The following KCNK17 variants were observed in gnomAD, a reference collection of about 807,000 sequenced individuals.
KCNK17 encodes the protein potassium two pore domain channel subfamily K member 17, also known as potassium channel subfamily K member 17.
A neutral mutation model predicts 24.6 loss-of-function variants in KCNK17; 27 were observed. That is an observed-to-expected ratio of 1.10 (90% CI 0.81 to 1.51). The LOEUF (loss-of-function observed/expected upper bound fraction) is 1.51. Among genes scored for constraint, KCNK17 ranks in the 40% most tolerant of loss-of-function variants. KCNK17 has a pLI of 0.00. For synonymous variants in KCNK17, 181 were observed against 189.8 expected, an observed-to-expected ratio of 0.95 and a Z score of 0.38; for missense variants, 450 against 436.6, an observed-to-expected ratio of 1.03 and a Z score of -0.27.
At chr6:39,311,072 GCACACACACACACACACACACA>G (rs59086835) in intron 1 of KCNK17, 65 bp from the exon 2 acceptor site, 423 of 518,644 alleles carry the variant, frequency 8.2e-4, no homozygotes, top group Middle Eastern at 4.9e-3. Flanking sequence ...ACCCCAAGAT[GCACACACACACACACACACACA>G]CACACACACA....
In KCNK17 at chr6:39,299,029, C is replaced by T. The variant is rs76079153; in HGVS notation, c.*398G>A. On this transcript the variant is annotated 3_prime_UTR_variant, in exon 5 of 5. Coordinates refer to ENST00000373231, the MANE Select transcript of KCNK17 (RefSeq NM_031460.4). ...TATTTTACATAAGATGTTTATTTCT[C>T]TCTCACATAAAGGAGGTCGGGTGAT... is the stretch of plus-strand genomic sequence containing the variant. 320 of 185,366 alleles carry T rather than the reference C, an allele frequency of 1.7e-3. 1 individual carries two copies. The highest frequency in any genetic ancestry group is 7.3e-3 in the African/African-American group (312 of 42,766). The allele number at this position is 185,366 out of a possible 1,614,324, so 11.5% of individuals were successfully genotyped here. A position where few individuals can be genotyped will look rare whatever the true frequency, so the allele number is the denominator to read the frequency against.
intron 1 of KCNK17, among the ~76,000 whole-genome samples, chr6:39,312,583 C>T (rs991229105): frequency 2.0e-5 from 3 of 152,132 alleles, no homozygotes; most frequent in East Asian, 3.8e-4. Context: ...AAAAACAGTA[C>T]CCACCTGTGA....
intron 1 of KCNK17, among the ~76,000 whole-genome samples, chr6:39,313,825 T>C (rs970074619): frequency 2.6e-5 from 4 of 151,998 alleles, no homozygotes; most frequent in Non-Finnish European, 4.4e-5. Context: ...GCATGCCCTC[T>C]CGCCCCCAAG....
At position 39,314,288 on chromosome 6, in the gene KCNK17, C is replaced by T. The variant is rs778472867; in HGVS notation, c.33G>A (p.Glu11=). The T allele has an allele frequency of 6.8e-7, 1 of 1,473,292 alleles. No homozygotes were observed. The allele number at this position is 1,473,292 out of a possible 1,614,324, so 91.3% of individuals were successfully genotyped here. A position where few individuals can be genotyped will look rare whatever the true frequency, so the allele number is the denominator to read the frequency against. ...GCACCGCGCAGCCCCGGACCCTGCC[C>T]TCGGGAGCCGCCCGGGCTCGCGGTC... MYRPRARAAP[E]GRVRGCAVPS... The change falls in exon 1 of 5, where the codon GAG becomes GAA. Residue 11 remains glutamate (E), a synonymous_variant. Coordinates refer to ENST00000373231, the MANE Select transcript of KCNK17 (RefSeq NM_031460.4).
At chr6:39,300,120 T>TTTTTG (rs200721802) in intron 4 of KCNK17, among the ~76,000 whole-genome samples, 1,946 of 152,242 alleles carry the variant, frequency 0.013, 43 homozygotes, top group African/African-American at 0.041. Flanking sequence ...CAATCCGTAT[T>TTTTTG]TTTTGTTTTG....
At chr6:39,304,691 G>C (rs766085469) in intron 2 of KCNK17, 36 bp from the exon 3 acceptor site, 1 of 1,595,000 alleles carries the variant, frequency 6.3e-7, no homozygotes, top group South Asian at 1.1e-5. Flanking sequence ...GACATTTCCA[G>C]CCCAGCCCTG....
chr6:39,311,847 C>T (rs975864018), intron 1 of KCNK17, among the ~76,000 whole-genome samples: 1 of 152,070 alleles, frequency 6.6e-6, no homozygotes, highest in African/African-American at 2.4e-5. Context: ...GGTGAGACTG[C>T]CTGGGACCTA....
At chr6:39,306,217 T>C (rs940568462) in intron 2 of KCNK17, among the ~76,000 whole-genome samples, 12 of 152,100 alleles carry the variant, frequency 7.9e-5, no homozygotes, top group Admixed American at 2.0e-4. Context: ...CTAATTTTTG[T>C]ATTTTTAGTA....
At chr6:39,312,429 G>T (rs372310163) in intron 1 of KCNK17, among the ~76,000 whole-genome samples, 38 of 152,286 alleles carry the variant, frequency 2.5e-4, no homozygotes, top group African/African-American at 7.9e-4. Context: ...CAGCCTGGCT[G>T]GGAATCTTGG....
chr6:39,312,115 C>T lies in KCNK17; in HGVS notation c.238-1108G>A, dbSNP rs566057334. Among the ~76,000 whole-genome samples the T allele has an allele frequency of 5.3e-5, 8 of 152,288 alleles. No homozygotes were observed. The South Asian group carries it at 1.5e-3, about 28-fold the overall frequency. The stretch of plus-strand genomic sequence containing the variant: ...GGAACAGAGAGGAGATATTCAGAAG[C>T]CCAGGCCTCTGGCCCTATTTAGTAT... On this transcript the variant is annotated intron_variant, in intron 1 of 4. Coordinates refer to ENST00000373231, the MANE Select transcript of KCNK17 (RefSeq NM_031460.4).
Position 39,299,049 on chromosome 6 carries a change from G to C in KCNK17, c.*378C>G, listed in dbSNP as rs975957168. On this transcript the variant is annotated 3_prime_UTR_variant, in exon 5 of 5. Transcript: ENST00000373231. ...TTTCTCTCTCACATAAAGGAGGTCGGGTGATATTCCGTTTGTTAGGATGGC... is the reference window on the plus strand; with the variant it reads ...TTTCTCTCTCACATAAAGGAGGTCGCGTGATATTCCGTTTGTTAGGATGGC... 1 of 210,348 alleles carries C rather than the reference G, an allele frequency of 4.8e-6. No homozygotes were observed. Among genetic ancestry groups the C allele is most frequent in the African/African-American group, 2.3e-5 (1 of 43,888 alleles). The allele number at this position is 210,348 out of a possible 1,614,324, so 13.0% of individuals were successfully genotyped here. A position where few individuals can be genotyped will look rare whatever the true frequency, so the allele number is the denominator to read the frequency against.
At chr6:39,313,973 A>G (rs1383965438) in intron 1 of KCNK17, 111 bp downstream of exon 1, 4 of 813,414 alleles carry the variant, frequency 4.9e-6, no homozygotes, top group Non-Finnish European at 7.2e-6. Context: ...GTTTCCCTGA[A>G]CAGGAAACAC....
chr6:39,312,589 T>C lies in KCNK17; in HGVS notation c.237+1495A>G, dbSNP rs113259456. On this transcript the variant is annotated intron_variant, in intron 1 of 4. Transcript: ENST00000373231. ...CAGGATGATAAAAACAGTACCCACC[T>C]GTGAGGGTGAAACAGGATGATAAAA... Among the ~76,000 whole-genome samples the C allele has an allele frequency of 1.6e-4, 24 of 152,282 alleles. 1 individual carries two copies. Among genetic ancestry groups the C allele is most frequent in the African/African-American group, 5.8e-4 (24 of 41,536 alleles).
intron 4 of KCNK17, among the ~76,000 whole-genome samples, chr6:39,303,539 G>T (rs1761978835): frequency 6.6e-6 from 1 of 152,156 alleles, no homozygotes. Flanking sequence ...AGGGCTCTGG[G>T]GAGGCTGGGG....
chr6:39,311,088 ACACAC>A, intron 1 of KCNK17, 81 bp from the exon 2 acceptor site: 1 of 397,668 alleles, frequency 2.5e-6, no homozygotes, highest in East Asian at 3.3e-5. Flanking sequence ...ACACACACAC[ACACAC>A]ACACACACAC....
At chr6:39,309,758 T>C (rs1180119939) in intron 2 of KCNK17, among the ~76,000 whole-genome samples, 2 of 152,206 alleles carry the variant, frequency 1.3e-5, no homozygotes, top group Non-Finnish European at 2.9e-5. Context: ...GCATATTTAA[T>C]GGAATTCCTT....
At chr6:39,310,288 A>G (rs908614040) in intron 2 of KCNK17, among the ~76,000 whole-genome samples, 2 of 152,038 alleles carry the variant, frequency 1.3e-5, no homozygotes, top group African/African-American at 2.4e-5. Flanking sequence ...TCTTCCGCAG[A>G]GGAGGGTTAG....
chr6:39,304,567 C>G lies in KCNK17; in HGVS notation c.441G>C (p.Val147=). 1.2e-6 allele frequency: 2 copies of G among 1,614,152 alleles called. No homozygotes were observed. The highest frequency in any genetic ancestry group is 2.2e-5 in the South Asian group (2 of 91,078). The stretch of plus-strand genomic sequence containing the variant: ...GCATGAGATGCCCCAGTCGGTTGAG[C>G]ACCACGAGGTTGAGTGGGATCCCCA... ...ALVGIPLNLV[V]LNRLGHLMQQ... Residue 147 remains valine (V), a synonymous_variant, in exon 3 of 5, where the codon GTG becomes GTC. Transcript: ENST00000373231.
rs897077294 is a variant in KCNK17, at chr6:39,303,258, C to T, written c.688+699G>A. Reference sequence around the variant, plus strand: ...AGTGCATGAAGCCGCTTGAGGCTGGCGCGGTAGTGGTGCCAGCGGCACCTT... The same window carrying T: ...AGTGCATGAAGCCGCTTGAGGCTGGTGCGGTAGTGGTGCCAGCGGCACCTT... On this transcript the variant is annotated intron_variant, in intron 4 of 4. Coordinates refer to ENST00000373231, the MANE Select transcript of KCNK17 (RefSeq NM_031460.4). Among the ~76,000 whole-genome samples the T allele has an allele frequency of 3.9e-5, 6 of 152,178 alleles. No individual in the cohort carries two copies. In the East Asian group the frequency reaches 7.7e-4, roughly 20 times the overall value.
Sources: allele counts gnomAD v4.1 joint callset (sites outside exome capture counted in the v4.1 genomes callset), GRCh38; gene constraint gnomAD v4.1.1; transcripts MANE v1.5; gene names NCBI Gene and HGNC (gene_info 2026-07-23, HGNC 2026-07-21).